FAM78B: variants seen among roughly 807,000 people sequenced by gnomAD.
FAM78B encodes protein FAM78B.
In FAM78B, 10 loss-of-function variants were observed where a neutral mutation model predicts 20.0. That is an observed-to-expected ratio of 0.50 (90% CI 0.31 to 0.85). FAM78B has a LOEUF of 0.85. Among genes scored for constraint, FAM78B ranks in the 40% least tolerant of loss-of-function variants. The pLI, the probability that FAM78B is intolerant of heterozygous loss-of-function variation, is 0.05. For missense variants in FAM78B, 283 were observed against 345.0 expected, an observed-to-expected ratio of 0.82 and a Z score of 1.42; for synonymous variants, 135 against 132.8, an observed-to-expected ratio of 1.02 and a Z score of -0.12.
intron 1 of FAM78B, among the ~76,000 whole-genome samples, chr1:166,119,733 A>T (rs534331242): frequency 1.3e-5 from 2 of 152,326 alleles, no homozygotes; most frequent in East Asian, 3.9e-4. Flanking sequence ...ATTAAAGCGC[A>T]TCAGCAGTTC....
chr1:166,099,610 A>G lies in FAM78B; in HGVS notation c.264-28847T>C, dbSNP rs535275818. ...TCATGCAAATGGGGTAGCAGCGAGC[A>G]GGGGTAGGTAGCTATTCTTATATCA... On this transcript the variant is annotated intron_variant, in intron 1 of 1. Coordinates refer to ENST00000354422, the MANE Select transcript of FAM78B (RefSeq NM_001017961.5). Among the ~76,000 whole-genome samples, 196 of 152,334 alleles carry G rather than the reference A, an allele frequency of 1.3e-3. 1 individual carries two copies. Among genetic ancestry groups the G allele is most frequent in the Non-Finnish European group, 1.8e-3 (120 of 68,030 alleles).
chr1:166,114,894 G>C (rs1654199399), intron 1 of FAM78B, among the ~76,000 whole-genome samples: 1 of 152,096 alleles, frequency 6.6e-6, no homozygotes, highest in East Asian at 1.9e-4. Context: ...GTGTATCCTG[G>C]GGCCTCCTCA....
At chr1:166,144,985 C>T (rs1238958237) in intron 1 of FAM78B, among the ~76,000 whole-genome samples, 1 of 152,074 alleles carries the variant, frequency 6.6e-6, no homozygotes, top group Non-Finnish European at 1.5e-5. Context: ...GAGGACTCAC[C>T]ACCACCTACC....
chr1:166,064,765 A>C (rs572361873), downstream of FAM78B, among the ~76,000 whole-genome samples: 7 of 152,224 alleles, frequency 4.6e-5, no homozygotes, highest in African/African-American at 1.4e-4. Context: ...AATATCTTAC[A>C]TGAGGCAGCA....
At chr1:166,056,907 TG>T (rs1321830617), downstream of FAM78B, among the ~76,000 whole-genome samples, 1 of 152,118 alleles carries the variant, frequency 6.6e-6, no homozygotes, top group Non-Finnish European at 1.5e-5. Context: ...GTGGGGCTTT[TG>T]GGAGGTGATT....
intron 1 of FAM78B, among the ~76,000 whole-genome samples, chr1:166,094,629 A>G (rs749366846): frequency 2.0e-5 from 3 of 152,174 alleles, no homozygotes; most frequent in Non-Finnish European, 2.9e-5. Context: ...TGCCCTATAG[A>G]TGTGGAGACA....
At chr1:166,158,145 G>A (rs1272338352) in intron 1 of FAM78B, among the ~76,000 whole-genome samples, 1 of 152,170 alleles carries the variant, frequency 6.6e-6, no homozygotes, top group East Asian at 1.9e-4. Context: ...CTTCCTGGGA[G>A]ATAAGGCCAT....
At chr1:166,111,688 T>C (rs1654064266) in intron 1 of FAM78B, among the ~76,000 whole-genome samples, 1 of 152,198 alleles carries the variant, frequency 6.6e-6, no homozygotes, top group South Asian at 2.1e-4. Flanking sequence ...TGGACTGGGA[T>C]GCCCTCTGCA....
intron 1 of FAM78B, among the ~76,000 whole-genome samples, chr1:166,153,089 C>T (rs1655746511): frequency 6.6e-6 from 1 of 152,156 alleles, no homozygotes; most frequent in African/African-American, 2.4e-5. Context: ...TTTTTGGAAA[C>T]CCACTCATGA....
rs1034236131 is a variant in FAM78B at position 166,166,784 on chromosome 1, G to C, written c.-536C>G. On this transcript the variant is annotated 5_prime_UTR_variant, in exon 1 of 2. Transcript: ENST00000354422. ...CCCCGCGTGCAGCGCACCCAGCGGC[G>C]GGCGAGCGGGCGGCCCAAGAGGCAG... The C allele has an allele frequency of 6.6e-6, 1 of 150,630 alleles. No individual in the cohort carries two copies. 9.3% of individuals were successfully genotyped at this position (150,630 alleles called of 1,614,324 possible).
At chr1:166,066,642 C>T (rs192571171), downstream of FAM78B, among the ~76,000 whole-genome samples, 263 of 152,290 alleles carry the variant, frequency 1.7e-3, 1 homozygote, top group African/African-American at 5.4e-3. Context: ...GTATTACACT[C>T]GTAAGACTGG....
intron 1 of FAM78B, among the ~76,000 whole-genome samples, chr1:166,136,166 A>G (rs1026580773): frequency 1.3e-5 from 2 of 152,220 alleles, no homozygotes; most frequent in African/African-American, 4.8e-5. Flanking sequence ...CCAGCTGGGA[A>G]CTAGCAAAGG....
At chr1:166,158,407 C>G (rs1318774468) in intron 1 of FAM78B, among the ~76,000 whole-genome samples, 1 of 152,198 alleles carries the variant, frequency 6.6e-6, no homozygotes, top group African/African-American at 2.4e-5. Flanking sequence ...CCTGGCACGG[C>G]TCCTTGCTGG....
intron 1 of FAM78B, among the ~76,000 whole-genome samples, chr1:166,145,752 C>T (rs937439267): frequency 4.6e-5 from 7 of 152,182 alleles, no homozygotes; most frequent in African/African-American, 1.7e-4. Flanking sequence ...AGGTGACTAA[C>T]ACTTTTTCTT....
At chr1:166,115,222 A>T (rs756832241) in intron 1 of FAM78B, among the ~76,000 whole-genome samples, 8 of 152,230 alleles carry the variant, frequency 5.3e-5, no homozygotes, top group Non-Finnish European at 1.2e-4. Context: ...GAAAGAGACG[A>T]TACACAAACA....
chr1:166,120,240 C>A (rs1425760880), intron 1 of FAM78B, among the ~76,000 whole-genome samples: 3 of 152,226 alleles, frequency 2.0e-5, no homozygotes, highest in African/African-American at 4.8e-5. Flanking sequence ...TCATTTTATA[C>A]ACATAGTACC....
intron 1 of FAM78B, among the ~76,000 whole-genome samples, chr1:166,110,102 A>G (rs572829254): frequency 6.6e-6 from 1 of 150,572 alleles, no homozygotes; most frequent in East Asian, 2.0e-4. Flanking sequence ...GATGCAATGG[A>G]CTTTGGGGAC....
At chr1:166,147,431 A>T (rs1571204163) in intron 1 of FAM78B, among the ~76,000 whole-genome samples, 2 of 152,234 alleles carry the variant, frequency 1.3e-5, no homozygotes, top group South Asian at 4.1e-4. Context: ...AGGATGAATA[A>T]GTTAGAACCC....
At chr1:166,135,492 G>C (rs930565070) in intron 1 of FAM78B, among the ~76,000 whole-genome samples, 2 of 152,302 alleles carry the variant, frequency 1.3e-5, no homozygotes, top group African/African-American at 4.8e-5. Context: ...ATGAAAGCGT[G>C]TATCATGTAT....
Sources: allele counts gnomAD v4.1 joint callset (sites outside exome capture counted in the v4.1 genomes callset), GRCh38; gene constraint gnomAD v4.1.1; transcripts MANE v1.5; gene names NCBI Gene and HGNC (gene_info 2026-07-23, HGNC 2026-07-21).